The following RBFOX1 variants were observed in gnomAD, a reference collection of about 807,000 sequenced individuals.
RBFOX1 encodes RNA binding protein fox-1 homolog 1.
Under a neutral mutation model 57.7 loss-of-function variants are expected in RBFOX1, and 8 were observed. The observed-to-expected ratio is 0.14, with a 90% CI of 0.08 to 0.25. The LOEUF (loss-of-function observed/expected upper bound fraction) is 0.25. Ranked by LOEUF, RBFOX1 falls within the 10% of genes least tolerant of loss-of-function variation. The probability of loss-of-function intolerance (pLI) is 1.00; values close to 1 mark genes in which losing one functional copy is unlikely to be tolerated. For missense variants in RBFOX1, 611 were observed against 548.5 expected (o/e 1.11, Z -1.14); for synonymous variants, 326 against 222.4 (o/e 1.47, Z -4.15).
At chr16:6,810,417 T>C (rs1203001640) in intron 3 of RBFOX1, among the ~76,000 whole-genome samples, 1 of 152,136 alleles carries the variant, frequency 6.6e-6, no homozygotes, top group Non-Finnish European at 1.5e-5. Flanking sequence ...ATGGTACTTT[T>C]TCCTGGGAGA....
rs1440354204 is a variant in RBFOX1 at position 7,321,107 on chromosome 16, ATATACATATACATATACATATACT to A, written c.28-197034_28-197011del. Among the ~76,000 whole-genome samples, 505 of 150,718 alleles carry A rather than the reference ATATACATATACATATACATATACT, an allele frequency of 3.4e-3. 2 individuals carry two copies. Among genetic ancestry groups the A allele is most frequent in the African/African-American group, 9.4e-3 (387 of 41,304 alleles). ...CATATACATATACATATACATATACATATACATATACATATACATATACTTATACTTATATTGTTTGTTTTTTGA... is the reference window on the plus strand; with the variant it reads ...CATATACATATACATATACATATACATATACTTATATTGTTTGTTTTTTGA... On this transcript the variant is annotated intron_variant, in intron 4 of 15. Coordinates refer to ENST00000550418, the MANE Select transcript of RBFOX1 (RefSeq NM_018723.4).
chr16:7,458,820 G>T (rs141593986), intron 4 of RBFOX1, among the ~76,000 whole-genome samples: 13 of 152,086 alleles, frequency 8.5e-5, no homozygotes, highest in Non-Finnish European at 1.5e-4. Flanking sequence ...TTTCCTAGCT[G>T]ACTTTTGCCA....
intron 4 of RBFOX1, among the ~76,000 whole-genome samples, chr16:7,195,670 A>C (rs1001508457): frequency 1.3e-5 from 2 of 152,144 alleles, no homozygotes; most frequent in Non-Finnish European, 2.9e-5. Context: ...CGATAGCCTC[A>C]GCCTCCCGAG....
intron 3 of RBFOX1, among the ~76,000 whole-genome samples, chr16:6,886,882 T>C (rs1411683300): frequency 6.6e-6 from 1 of 152,180 alleles, no homozygotes; most frequent in Non-Finnish European, 1.5e-5. Context: ...TTCCGAAATT[T>C]TGTTGCATTA....
intron 3 of RBFOX1, among the ~76,000 whole-genome samples, chr16:5,686,429 G>A (rs927567489): frequency 3.3e-5 from 5 of 152,142 alleles, no homozygotes; most frequent in Non-Finnish European, 5.9e-5. Context: ...GGAATAGGAG[G>A]TAGAATATAG....
Position 7,664,978 on chromosome 16 carries a change from C to CA in RBFOX1, c.930+11dup, listed in dbSNP as rs2068794860. ...TGGTGCAGACATTTATGTAAGTATT[C>CA]ATTCACGTGCATGCCATCCCCGTTT... On this transcript the variant is annotated intron_variant, in intron 13 of 15. Coordinates refer to ENST00000550418, the MANE Select transcript of RBFOX1 (RefSeq NM_018723.4). 4 of 1,613,788 alleles carry CA rather than the reference C, an allele frequency of 2.5e-6. No homozygotes were observed. Among genetic ancestry groups the CA allele is most frequent in the Non-Finnish European group, 3.4e-6 (4 of 1,179,844 alleles).
chr16:7,629,805 G>C (rs892081820), intron 10 of RBFOX1, among the ~76,000 whole-genome samples: 3 of 152,212 alleles, frequency 2.0e-5, no homozygotes, highest in African/African-American at 7.2e-5. Context: ...GAGGAGGCAA[G>C]TCATTGCTGC....
At chr16:7,259,129 A>G (rs929278031) in intron 4 of RBFOX1, among the ~76,000 whole-genome samples, 13 of 152,186 alleles carry the variant, frequency 8.5e-5, no homozygotes, top group Non-Finnish European at 1.3e-4. Flanking sequence ...ATCTCCATCA[A>G]TCTGTCACCT....
chr16:7,588,378 C>T (rs1240847009), intron 7 of RBFOX1, among the ~76,000 whole-genome samples: 3 of 152,282 alleles, frequency 2.0e-5, no homozygotes, highest in South Asian at 2.1e-4. Flanking sequence ...AGTTAGGGCT[C>T]AGCAACCTGT....
chr16:5,792,116 G>C (rs572409626), intron 3 of RBFOX1, among the ~76,000 whole-genome samples: 1 of 152,158 alleles, frequency 6.6e-6, no homozygotes, highest in Non-Finnish European at 1.5e-5. Context: ...AGTTATCGTG[G>C]ATAAGTGATT....
chr16:7,231,586 A>G (rs1002107935), intron 4 of RBFOX1, among the ~76,000 whole-genome samples: 3 of 152,228 alleles, frequency 2.0e-5, no homozygotes, highest in Admixed American at 6.5e-5. Context: ...ATCCACATAC[A>G]CAAATGCTTA....
At chr16:5,584,461 C>G (rs575937901) in intron 2 of RBFOX1, among the ~76,000 whole-genome samples, 18 of 152,322 alleles carry the variant, frequency 1.2e-4, no homozygotes, top group African/African-American at 4.3e-4. Flanking sequence ...CTCATTACGT[C>G]TATTTCTGAT....
chr16:7,207,628 A>T (rs1359411018), intron 4 of RBFOX1, among the ~76,000 whole-genome samples: 2 of 152,230 alleles, frequency 1.3e-5, no homozygotes, highest in African/African-American at 4.8e-5. Flanking sequence ...CTTGCTGAGA[A>T]CAGTCTCTGC....
intron 4 of RBFOX1, among the ~76,000 whole-genome samples, chr16:7,162,810 C>G (rs1345143263): frequency 6.6e-6 from 1 of 152,140 alleles, no homozygotes; most frequent in South Asian, 2.1e-4. Flanking sequence ...TCCTCTTTCT[C>G]CTTCTTCCTC....
chr16:6,881,598 C>T (rs1180529488), intron 3 of RBFOX1, among the ~76,000 whole-genome samples: 6 of 152,182 alleles, frequency 3.9e-5, no homozygotes, highest in South Asian at 4.1e-4. Context: ...GCTTACAGCC[C>T]ACTCTGAGGA....
At chr16:7,027,571 A>G (rs576803158) in intron 3 of RBFOX1, among the ~76,000 whole-genome samples, 1 of 152,264 alleles carries the variant, frequency 6.6e-6, no homozygotes, top group African/African-American at 2.4e-5. Context: ...GTCTTAGACC[A>G]AGACTAATGT....
rs57113810 is a variant in RBFOX1, at chr16:6,627,497, C to T, written c.-63-27106C>T. The stretch of plus-strand genomic sequence containing the variant: ...GAGGAAGAATATTGGAAACTTGCTC[C>T]CTGAAACAGTCATAACACAGTGGAG... On this transcript the variant is annotated intron_variant, in intron 2 of 15. Transcript: ENST00000550418. Among the ~76,000 whole-genome samples the T allele has an allele frequency of 4.0e-3, 607 of 152,144 alleles. 4 individuals carry two copies. Among genetic ancestry groups the T allele is most frequent in the African/African-American group, 0.014 (579 of 41,488 alleles).
chr16:5,480,184 A>G (rs1338866175), intron 2 of RBFOX1, among the ~76,000 whole-genome samples: 1 of 152,202 alleles, frequency 6.6e-6, no homozygotes, highest in Non-Finnish European at 1.5e-5. Flanking sequence ...CCGGAGATGC[A>G]TAAAAGAAAT....
At chr16:6,075,329 C>A (rs547490342) in intron 1 of RBFOX1, among the ~76,000 whole-genome samples, 1 of 152,224 alleles carries the variant, frequency 6.6e-6, no homozygotes, top group Non-Finnish European at 1.5e-5. Context: ...TAGAGAAATA[C>A]TCATTTATTC....
Sources: gnomAD v4.1 joint callset for allele counts (sites outside exome capture counted in the v4.1 genomes callset) on GRCh38, gnomAD v4.1.1 for gene constraint, MANE v1.5 for transcripts, NCBI Gene and HGNC (gene_info 2026-07-23, HGNC 2026-07-21) for gene names.